Variants in TRIQK observed in about 807,000 individuals in gnomAD.
TRIQK encodes triple QxxK/R motif containing, also known as triple QxxK/R motif-containing protein.
A neutral mutation model predicts 10.8 loss-of-function variants in TRIQK; 10 were observed. That is an observed-to-expected ratio of 0.92 (90% CI 0.57 to 1.57). TRIQK has a LOEUF of 1.57. TRIQK is among the 40% of genes most tolerant of loss of function. The probability of loss-of-function intolerance (pLI) is 0.00; values close to 1 mark genes in which losing one functional copy is unlikely to be tolerated. For missense variants in TRIQK, 107 were observed against 97.7 expected (o/e 1.09, Z -0.40); for synonymous variants, 33 against 33.7 (o/e 0.98, Z 0.07).
At chr8:92,938,083 T>C (rs1811081646) in intron 2 of TRIQK, among the ~76,000 whole-genome samples, 2 of 151,962 alleles carry the variant, frequency 1.3e-5, no homozygotes, top group South Asian at 4.1e-4. Context: ...AGACAAAAAC[T>C]TTTATTTTGT....
intron 1 of TRIQK, among the ~76,000 whole-genome samples, chr8:92,978,982 A>T (rs565154379): frequency 1.3e-5 from 2 of 152,234 alleles, no homozygotes; most frequent in Admixed American, 6.5e-5. Flanking sequence ...ACCATGAATC[A>T]GTGGTATAAA....
chr8:93,017,110 G>GGA lies in TRIQK; in HGVS notation c.-181+497_-181+498dup, dbSNP rs3062508. On this transcript the variant is annotated intron_variant, in intron 1 of 4. Coordinates refer to the TRIQK transcript ENST00000520686. ...CACAAATGTAGCAATATATATACTTGGAGAGAGAGAGAGAGAGAGAGAGAG... is the reference window on the plus strand; with the variant it reads ...CACAAATGTAGCAATATATATACTTGGAGAGAGAGAGAGAGAGAGAGAGAGAG... 1.6e-3 allele frequency among the ~76,000 whole-genome samples: 152 copies of GGA among 93,362 alleles called. 3 individuals carry two copies. The highest frequency in any genetic ancestry group is 2.4e-3 in the South Asian group (6 of 2,482). 61.2% of individuals were successfully genotyped at this position (93,362 alleles called of 152,430 possible).
At chr8:92,957,973 G>A (rs1812259140) in intron 1 of TRIQK, among the ~76,000 whole-genome samples, 1 of 151,858 alleles carries the variant, frequency 6.6e-6, no homozygotes, top group Non-Finnish European at 1.5e-5. Flanking sequence ...ACTTTAGAAA[G>A]TGTGGTACAG....
chr8:92,981,615 A>ATT (rs1463051923), intron 1 of TRIQK, among the ~76,000 whole-genome samples: 8 of 151,898 alleles, frequency 5.3e-5, no homozygotes, highest in Non-Finnish European at 1.0e-4. Context: ...AAGTCAGTAT[A>ATT]AAATATCTAT....
At chr8:92,889,659 C>G (rs767567341) in intron 4 of TRIQK, among the ~76,000 whole-genome samples, 1 of 151,606 alleles carries the variant, frequency 6.6e-6, no homozygotes, top group Admixed American at 6.6e-5. Context: ...TTTTCTCAAT[C>G]AGCTAATAAT....
intron 2 of TRIQK, among the ~76,000 whole-genome samples, chr8:92,922,074 C>T (rs1042823971): frequency 6.6e-6 from 1 of 151,626 alleles, no homozygotes; most frequent in Non-Finnish European, 1.5e-5. Context: ...ATGACAAAGT[C>T]AAATAAGTTA....
intron 1 of TRIQK, among the ~76,000 whole-genome samples, chr8:92,980,933 G>T (rs1343951120): frequency 1.3e-5 from 2 of 148,964 alleles, no homozygotes; most frequent in African/African-American, 2.5e-5. Context: ...ATTTATTTCT[G>T]GTTTTTCTAA....
chr8:92,945,875 G>T (rs1470352519), intron 2 of TRIQK, among the ~76,000 whole-genome samples: 1 of 151,218 alleles, frequency 6.6e-6, no homozygotes, highest in Non-Finnish European at 1.5e-5. Context: ...TAGAAGCAAA[G>T]AATAGAATAT....
chr8:92,911,861 GTA>G (rs1190163323), intron 3 of TRIQK, among the ~76,000 whole-genome samples: 87 of 146,710 alleles, frequency 5.9e-4, no homozygotes, highest in African/African-American at 2.1e-3. Context: ...AAGTATATAT[GTA>G]TATATGAGTG....
chr8:92,981,395 A>G (rs574403997), intron 1 of TRIQK, among the ~76,000 whole-genome samples: 9 of 151,894 alleles, frequency 5.9e-5, no homozygotes, highest in Non-Finnish European at 1.0e-4. Flanking sequence ...TGTGTTACAC[A>G]AATAGTTTAT....
At chr8:93,005,717 C>T (rs534768283) in intron 1 of TRIQK, among the ~76,000 whole-genome samples, 1 of 152,154 alleles carries the variant, frequency 6.6e-6, no homozygotes, top group African/African-American at 2.4e-5. Flanking sequence ...TTCTCTACTT[C>T]TATTAATAGA....
intron 1 of TRIQK, among the ~76,000 whole-genome samples, chr8:92,974,998 C>T (rs555520540): frequency 5.6e-4 from 85 of 152,318 alleles, no homozygotes; most frequent in African/African-American, 2.0e-3. Flanking sequence ...GTTCCATTCT[C>T]CTCTGAATCT....
intron 1 of TRIQK, chr8:92,960,661 T>G (rs1043877552): frequency 2.0e-5 from 3 of 152,212 alleles, no homozygotes; most frequent in Non-Finnish European, 2.9e-5. Context: ...GCAATGTTGC[T>G]GGCTTTGACG....
At chr8:92,906,722 C>CAAAAA (rs36073229) in intron 3 of TRIQK, among the ~76,000 whole-genome samples, 3 of 126,510 alleles carry the variant, frequency 2.4e-5, no homozygotes, top group Middle Eastern at 4.2e-3. Flanking sequence ...CCGTCTCTAT[C>CAAAAA]AAAAAAAAAA....
intron 2 of TRIQK, among the ~76,000 whole-genome samples, chr8:92,928,239 AC>A (rs2130533936): frequency 6.6e-6 from 1 of 152,192 alleles, no homozygotes; most frequent in South Asian, 2.1e-4. Context: ...ATCTTGAACT[AC>A]CTTTATCTCA....
chr8:92,903,733 A>T (rs1269028632), intron 3 of TRIQK, among the ~76,000 whole-genome samples: 1 of 152,066 alleles, frequency 6.6e-6, no homozygotes, highest in African/African-American at 2.4e-5. Context: ...GTATCAATAA[A>T]TTTTTCTCAA....
In TRIQK at chr8:92,883,827, C is replaced by T. The variant is rs1056889256; in HGVS notation, c.*2795G>A. 4 of 151,676 alleles carry T rather than the reference C, an allele frequency of 2.6e-5. No homozygotes were observed. The highest frequency in any genetic ancestry group is 5.9e-5 in the Non-Finnish European group (4 of 67,802). 9.4% of individuals were successfully genotyped at this position (151,676 alleles called of 1,614,324 possible). On this transcript the variant is annotated 3_prime_UTR_variant, in exon 5 of 5. Transcript: ENST00000521988. ...TGCTACCTTAAAACAACTACCCACCCTACATTTGTACTAAAATAGGCTTTT... is the reference window on the plus strand; with the variant it reads ...TGCTACCTTAAAACAACTACCCACCTTACATTTGTACTAAAATAGGCTTTT...
rs1816793618 is a variant in TRIQK at position 92,892,036 on chromosome 8, C to T, written c.100G>A (p.Ala34Thr). The change falls in exon 4 of 5, where the codon GCA becomes ACA. Residue 34 changes from alanine to threonine, a missense_variant. Physicochemically the swap from Ala to Thr is moderately conservative, Grantham distance 58 (BLOSUM62 0). Coordinates refer to ENST00000521988, the MANE Select transcript of TRIQK (RefSeq NM_001171797.2). ...TTTGCTTCTGCTTTTAATTTGGTTG[C>T]TCGTAAAATAGGTTTAGTTTTTTTA... ...DYKKTKPILR[A>T]TKLKAEAKKT... The T allele has an allele frequency of 1.3e-6, 2 of 1,533,210 alleles. No homozygotes were observed. The highest frequency in any genetic ancestry group is 2.0e-5 in the Admixed American group (1 of 50,800). The allele number at this position is 1,533,210 out of a possible 1,614,324, so 95.0% of individuals were successfully genotyped here. A position where few individuals can be genotyped will look rare whatever the true frequency, so the allele number is the denominator to read the frequency against.
chr8:92,922,991 A>G (rs1810263914), intron 2 of TRIQK, among the ~76,000 whole-genome samples: 1 of 151,872 alleles, frequency 6.6e-6, no homozygotes, highest in African/African-American at 2.4e-5. Context: ...TGCTTATAGA[A>G]CACATTCTTA....
Sources: gnomAD v4.1 joint callset for allele counts (sites outside exome capture counted in the v4.1 genomes callset) on GRCh38, gnomAD v4.1.1 for gene constraint, MANE v1.5 for transcripts, NCBI Gene and HGNC (gene_info 2026-07-23, HGNC 2026-07-21) for gene names.